The following STAM variants were observed in gnomAD, a reference collection of about 807,000 sequenced individuals.
The protein encoded by STAM is signal transducing adaptor molecule.
STAM carries 16 observed loss-of-function variants against 63.4 expected under a neutral mutation model. The observed-to-expected ratio is 0.25, with a 90% CI of 0.17 to 0.38. The LOEUF (loss-of-function observed/expected upper bound fraction) is 0.38. Among genes scored for constraint, STAM ranks in the 10% least tolerant of loss-of-function variants. STAM has a pLI of 1.00. For synonymous variants in STAM, 238 were observed against 223.9 expected (o/e 1.06, Z -0.56); for missense variants, 636 against 657.1 (o/e 0.97, Z 0.35).
At chr10:17,651,700 C>G (rs1486218686) in intron 1 of STAM, among the ~76,000 whole-genome samples, 1 of 152,176 alleles carries the variant, frequency 6.6e-6, no homozygotes, top group Non-Finnish European at 1.5e-5. Flanking sequence ...TTTGCAGATA[C>G]AGTTTCCAGG....
At chr10:17,698,096 A>T (rs1835840485) in intron 8 of STAM, among the ~76,000 whole-genome samples, 1 of 152,166 alleles carries the variant, frequency 6.6e-6, no homozygotes, top group African/African-American at 2.4e-5. Context: ...TGAACAGCAA[A>T]CCAGAAATTA....
chr10:17,687,090 A>G (rs1469949872), intron 4 of STAM, among the ~76,000 whole-genome samples: 2 of 152,162 alleles, frequency 1.3e-5, no homozygotes, highest in Non-Finnish European at 2.9e-5. Flanking sequence ...AACTCACTAC[A>G]TTTATCTCTT....
intron 8 of STAM, among the ~76,000 whole-genome samples, 171 bp downstream of exon 8, chr10:17,697,040 C>T (rs1221811036): frequency 2.0e-5 from 3 of 152,184 alleles, no homozygotes; most frequent in Non-Finnish European, 4.4e-5. Flanking sequence ...CTGCCTCAGC[C>T]TCCTGAGTAG....
chr10:17,658,143 A>G (rs1334746658), intron 1 of STAM, among the ~76,000 whole-genome samples: 1 of 151,786 alleles, frequency 6.6e-6, no homozygotes, highest in Non-Finnish European at 1.5e-5. Flanking sequence ...CATCCCACAA[A>G]TTTTGCGAAG....
intron 1 of STAM, among the ~76,000 whole-genome samples, chr10:17,656,067 G>T (rs1439966987): frequency 6.6e-6 from 1 of 151,804 alleles, no homozygotes; most frequent in Non-Finnish European, 1.5e-5. Context: ...GGCCAAGGTG[G>T]GTGAGTCACC....
chr10:17,714,846 A>G lies in STAM; in HGVS notation c.*66A>G, dbSNP rs1836740830. Reference sequence around the variant, plus strand: ...CACTGACAATGTTATGAGATTCATTACTATCTTAAGATGTGTTTATCCTCA... The same window carrying G: ...CACTGACAATGTTATGAGATTCATTGCTATCTTAAGATGTGTTTATCCTCA... On this transcript the variant is annotated 3_prime_UTR_variant, in exon 14 of 14. Transcript: ENST00000377524. The G allele has an allele frequency of 1.4e-6, 2 of 1,409,210 alleles. No homozygotes were observed. Among genetic ancestry groups the G allele is most frequent in the African/African-American group, 2.8e-5 (2 of 70,722 alleles). The allele number at this position is 1,409,210 out of a possible 1,614,324, so 87.3% of individuals were successfully genotyped here. A position where few individuals can be genotyped will look rare whatever the true frequency, so the allele number is the denominator to read the frequency against.
At chr10:17,670,615 A>T (rs1834598056) in intron 2 of STAM, among the ~76,000 whole-genome samples, 1 of 152,186 alleles carries the variant, frequency 6.6e-6, no homozygotes, top group Admixed American at 6.5e-5. Context: ...TAGAAAACTC[A>T]AAATATCATC....
chr10:17,701,127 G>T (rs1010349951), intron 9 of STAM, among the ~76,000 whole-genome samples: 4 of 152,044 alleles, frequency 2.6e-5, no homozygotes, highest in Non-Finnish European at 5.9e-5. Context: ...ACCCAAATTG[G>T]TATTATTGGG....
intron 2 of STAM, among the ~76,000 whole-genome samples, chr10:17,674,452 TG>T (rs1834765533): frequency 6.6e-6 from 1 of 152,152 alleles, no homozygotes; most frequent in Non-Finnish European, 1.5e-5. Context: ...ATGCTTAGTA[TG>T]GTGAGCAGTG....
chr10:17,660,710 C>T (rs1416098235), intron 2 of STAM, among the ~76,000 whole-genome samples, 162 bp downstream of exon 2: 2 of 151,984 alleles, frequency 1.3e-5, no homozygotes, highest in Non-Finnish European at 2.9e-5. Flanking sequence ...ATGATTACAC[C>T]CATGAACAGC....
At chr10:17,698,792 C>A (rs1554827960) in intron 8 of STAM, among the ~76,000 whole-genome samples, 1 of 152,098 alleles carries the variant, frequency 6.6e-6, no homozygotes, top group Non-Finnish European at 1.5e-5. Context: ...TGCAAACTTG[C>A]GCGTCAAGAG....
chr10:17,662,807 C>A lies in STAM; in HGVS notation c.125+2259C>A, dbSNP rs530877484. ...GCTTTATCAAGTGTTTATAACAGTA[C>A]CTGGCACATGGCTGAATGAGTGCAA... On this transcript the variant is annotated intron_variant, in intron 2 of 13. Coordinates refer to ENST00000377524, the MANE Select transcript of STAM (RefSeq NM_003473.4). Among the ~76,000 whole-genome samples the A allele has an allele frequency of 4.6e-5, 7 of 152,288 alleles. No homozygotes were observed. The South Asian group carries it at 1.2e-3, about 27-fold the overall frequency.
chr10:17,696,512 G>T (rs971302814), intron 7 of STAM: 8 of 339,376 alleles, frequency 2.4e-5, no homozygotes, highest in East Asian at 1.5e-4. Context: ...TTTTCGTATT[G>T]GTGCCTCTTT....
At chr10:17,713,991 G>A (rs1836683677) in intron 13 of STAM, among the ~76,000 whole-genome samples, 1 of 152,072 alleles carries the variant, frequency 6.6e-6, no homozygotes, top group African/African-American at 2.4e-5. Context: ...CGCAGCACTC[G>A]TGGCCTGCTG....
chr10:17,711,969 T>C (rs1836575707), intron 13 of STAM, among the ~76,000 whole-genome samples: 1 of 152,180 alleles, frequency 6.6e-6, no homozygotes. Context: ...AAGAGTTATT[T>C]AGGAGATTAG....
At chr10:17,681,875 T>C (rs1406490346) in intron 2 of STAM, among the ~76,000 whole-genome samples, 3 of 152,222 alleles carry the variant, frequency 2.0e-5, no homozygotes, top group African/African-American at 7.2e-5. Flanking sequence ...TTATATAATT[T>C]TTGAGAGCCT....
chr10:17,682,978 A>T (rs2131628400), intron 2 of STAM, among the ~76,000 whole-genome samples: 1 of 152,226 alleles, frequency 6.6e-6, no homozygotes, highest in South Asian at 2.1e-4. Context: ...ATTATTATGT[A>T]CTGTCTCTCT....
At chr10:17,706,671 G>A (rs1329269009) in intron 12 of STAM, among the ~76,000 whole-genome samples, 2 of 151,866 alleles carry the variant, frequency 1.3e-5, no homozygotes, top group African/African-American at 4.8e-5. Flanking sequence ...GAGCCATCGC[G>A]CCCGGCCGAG....
At chr10:17,659,084 T>C (rs1161293000) in intron 1 of STAM, among the ~76,000 whole-genome samples, 1 of 152,048 alleles carries the variant, frequency 6.6e-6, no homozygotes, top group East Asian at 1.9e-4. Context: ...TTATCTCCTT[T>C]CTTAGCATAG....
Sources: allele counts gnomAD v4.1 joint callset (sites outside exome capture counted in the v4.1 genomes callset), GRCh38; gene constraint gnomAD v4.1.1; transcripts MANE v1.5; gene names NCBI Gene and HGNC (gene_info 2026-07-23, HGNC 2026-07-21).